SPATS2L: variants seen among roughly 807,000 people sequenced by gnomAD.
SPATS2L encodes spermatogenesis associated serine rich 2 like, also known as SPATS2-like protein.
In SPATS2L, 30 loss-of-function variants were observed where a neutral mutation model predicts 59.6. The ratio of observed to expected loss-of-function variants is 0.50; its 90% CI spans 0.38 to 0.68. The LOEUF (loss-of-function observed/expected upper bound fraction) is 0.68, where lower values mean the gene tolerates loss of function less well. Ranked by LOEUF, SPATS2L falls within the 30% of genes least tolerant of loss-of-function variation. The pLI is 0.00. For synonymous variants in SPATS2L, 252 were observed against 263.5 expected, an observed-to-expected ratio of 0.96 and a Z score of 0.42; for missense variants, 615 against 700.0, an observed-to-expected ratio of 0.88 and a Z score of 1.37.
chr2:200,371,307 G>A (rs886537988), intron 2 of SPATS2L, among the ~76,000 whole-genome samples: 3 of 152,142 alleles, frequency 2.0e-5, no homozygotes, highest in Admixed American at 1.3e-4. Flanking sequence ...GAACAAGTCT[G>A]TACTAGGATA....
intron 1 of SPATS2L, among the ~76,000 whole-genome samples, chr2:200,323,889 T>G (rs772704193): frequency 6.6e-6 from 1 of 152,208 alleles, no homozygotes; most frequent in Non-Finnish European, 1.5e-5. Context: ...TCTTTTATTA[T>G]TAAAGTAATG....
chr2:200,344,681 C>G (rs978660261), intron 2 of SPATS2L, among the ~76,000 whole-genome samples: 14 of 152,148 alleles, frequency 9.2e-5, no homozygotes, highest in African/African-American at 3.1e-4. Flanking sequence ...ATTTACACTC[C>G]CACCAACAGT....
At position 200,389,296 on chromosome 2, in the gene SPATS2L, T is replaced by C; in HGVS notation, c.39+13T>C. 1 of 1,565,360 alleles carries C rather than the reference T, an allele frequency of 6.4e-7. No homozygotes were observed. The highest frequency in any genetic ancestry group is 8.7e-7 in the Non-Finnish European group (1 of 1,151,042). The stretch of plus-strand genomic sequence containing the variant: ...TGTCAAGGAAAAGGTAAGATCAAGT[T>C]ATACGTTGGCTCACAGAAACTCCAA... On this transcript the variant is annotated intron_variant, in intron 3 of 12. Coordinates refer to ENST00000409140, the MANE Select transcript of SPATS2L (RefSeq NM_001100423.2).
At chr2:200,424,537 G>A (rs2083449941) in intron 6 of SPATS2L, among the ~76,000 whole-genome samples, 2 of 152,178 alleles carry the variant, frequency 1.3e-5, no homozygotes, top group Non-Finnish European at 2.9e-5. Flanking sequence ...GTAGTGCCAA[G>A]GATAATACTT....
intron 12 of SPATS2L, among the ~76,000 whole-genome samples, chr2:200,476,039 G>T (rs2087495377): frequency 6.6e-6 from 1 of 152,146 alleles, no homozygotes; most frequent in Non-Finnish European, 1.5e-5. Context: ...AAATGAGGTA[G>T]TGCATGGTGA....
chr2:200,315,005 TAAAG>T (rs1380384151), intron 1 of SPATS2L, among the ~76,000 whole-genome samples: 2 of 152,192 alleles, frequency 1.3e-5, no homozygotes, highest in East Asian at 1.9e-4. Context: ...CCATGCGACA[TAAAG>T]AAATAATAAA....
At chr2:200,477,030 C>T (rs1192169997) in intron 12 of SPATS2L, among the ~76,000 whole-genome samples, 1 of 152,206 alleles carries the variant, frequency 6.6e-6, no homozygotes, top group Non-Finnish European at 1.5e-5. Flanking sequence ...CAGTCTCCGA[C>T]GTGCAGCTGC....
At chr2:200,368,792 G>T (rs2081337732) in intron 2 of SPATS2L, among the ~76,000 whole-genome samples, 1 of 152,146 alleles carries the variant, frequency 6.6e-6, no homozygotes, top group African/African-American at 2.4e-5. Flanking sequence ...GAGATGAGAA[G>T]CCCATCTCTA....
intron 8 of SPATS2L, among the ~76,000 whole-genome samples, chr2:200,451,731 A>G (rs899291745): frequency 2.0e-5 from 3 of 152,024 alleles, no homozygotes; most frequent in East Asian, 3.9e-4. Context: ...TTCTTGTACT[A>G]TATCAGTTTC....
At chr2:200,369,470 A>G (rs1432608497) in intron 2 of SPATS2L, among the ~76,000 whole-genome samples, 1 of 152,130 alleles carries the variant, frequency 6.6e-6, no homozygotes, top group African/African-American at 2.4e-5. Context: ...GCCATAAAAG[A>G]CCATTTAAAA....
At chr2:200,429,001 A>G (rs1315200666) in intron 6 of SPATS2L, among the ~76,000 whole-genome samples, 1 of 152,092 alleles carries the variant, frequency 6.6e-6, no homozygotes, top group Non-Finnish European at 1.5e-5. Flanking sequence ...CTATCCTGTA[A>G]TCTTTTCAAA....
chr2:200,417,885 T>C (rs1392602132), intron 5 of SPATS2L, among the ~76,000 whole-genome samples: 2 of 152,214 alleles, frequency 1.3e-5, no homozygotes, highest in African/African-American at 2.4e-5. Context: ...GTCTTTCTTA[T>C]GGGTCGGCGT....
At chr2:200,374,312 A>G (rs576406742) in intron 2 of SPATS2L, among the ~76,000 whole-genome samples, 1 of 152,320 alleles carries the variant, frequency 6.6e-6, no homozygotes, top group African/African-American at 2.4e-5. Flanking sequence ...TCATACCTGC[A>G]GTGCCATTCC....
At position 200,306,801 on chromosome 2, in the gene SPATS2L, G is replaced by A; in HGVS notation, c.-194G>A. On this transcript the variant is annotated 5_prime_UTR_variant, in exon 1 of 13. Transcript: ENST00000409140. ...CGGACGGCGCGCGGCCCAGGCAGCG[G>A]CTCCCGCTCGGCCCGCCCTCCGAGC... 1.0e-6 allele frequency: 1 copy of A among 981,150 alleles called. No homozygotes were observed. The highest frequency in any genetic ancestry group is 1.2e-6 in the Non-Finnish European group (1 of 828,230). 60.8% of individuals were successfully genotyped at this position (981,150 alleles called of 1,614,324 possible).
At chr2:200,309,460 C>T (rs1366267843) in intron 1 of SPATS2L, among the ~76,000 whole-genome samples, 2 of 152,220 alleles carry the variant, frequency 1.3e-5, no homozygotes, top group Non-Finnish European at 2.9e-5. Flanking sequence ...TACTTCTTTC[C>T]TAGCCATCTT....
chr2:200,307,855 C>T (rs2079079252), intron 1 of SPATS2L, among the ~76,000 whole-genome samples: 1 of 152,236 alleles, frequency 6.6e-6, no homozygotes, highest in Non-Finnish European at 1.5e-5. Flanking sequence ...GGAGACCTGA[C>T]ACTTTTCGTG....
At chr2:200,316,349 G>A (rs186945300) in intron 1 of SPATS2L, among the ~76,000 whole-genome samples, 10 of 152,304 alleles carry the variant, frequency 6.6e-5, no homozygotes, top group African/African-American at 2.4e-4. Context: ...TAGGCATTTT[G>A]TATAAGATTT....
rs111471021 is a variant in SPATS2L at position 200,465,360 on chromosome 2, G to A, written c.848-1930G>A. 6.9e-3 allele frequency among the ~76,000 whole-genome samples: 1,049 copies of A among 152,308 alleles called. 9 individuals carry two copies. The highest frequency in any genetic ancestry group is 0.011 in the Non-Finnish European group (721 of 68,028). On this transcript the variant is annotated intron_variant, in intron 9 of 12. Transcript: ENST00000409140. ...TGGAATCTTCTAATTTTTAAATGTG[G>A]GCAATTAATTTGTAAACGTAATGTG... is the stretch of plus-strand genomic sequence containing the variant.
At chr2:200,324,463 C>T (rs926346699) in intron 1 of SPATS2L, among the ~76,000 whole-genome samples, 4 of 152,254 alleles carry the variant, frequency 2.6e-5, no homozygotes, top group East Asian at 3.9e-4. Context: ...ATTTCTCCTT[C>T]GACACAGGGA....
Sources: allele counts gnomAD v4.1 joint callset (sites outside exome capture counted in the v4.1 genomes callset), GRCh38; gene constraint gnomAD v4.1.1; transcripts MANE v1.5; gene names NCBI Gene and HGNC (gene_info 2026-07-23, HGNC 2026-07-21).